The following LRGUK variants were observed in gnomAD, a reference collection of about 807,000 sequenced individuals.
The protein encoded by LRGUK is leucine rich repeats and guanylate kinase domain containing, also known as leucine-rich repeat and guanylate kinase domain-containing protein.
Under a neutral mutation model 76.0 loss-of-function variants are expected in LRGUK, and 65 were observed. That is an observed-to-expected ratio of 0.85 (90% confidence interval 0.70 to 1.05). The LOEUF is 1.05. Ranked by LOEUF, LRGUK falls within the 50% of genes least tolerant of loss-of-function variation. The pLI is 0.00. For synonymous variants in LRGUK, 268 were observed against 265.6 expected (o/e 1.01, Z -0.09); for missense variants, 758 against 732.8 (o/e 1.03, Z -0.40).
the LRGUK span, among the ~76,000 whole-genome samples, chr7:134,270,670 ATGTTTG>A: frequency 6.6e-6 from 1 of 152,194 alleles, no homozygotes; most frequent in East Asian, 1.9e-4. Flanking sequence ...TCTCAACATT[ATGTTTG>A]TAAGATTAAT....
chr7:134,194,579 A>G (rs1395694074), intron 12 of LRGUK, among the ~76,000 whole-genome samples: 1 of 152,076 alleles, frequency 6.6e-6, no homozygotes, highest in Non-Finnish European at 1.5e-5. Flanking sequence ...CTATCTCTTC[A>G]AAAAATAAAG....
chr7:134,273,654 T>C, the LRGUK span, among the ~76,000 whole-genome samples: 3 of 152,168 alleles, frequency 2.0e-5, no homozygotes, highest in Admixed American at 1.3e-4. Flanking sequence ...TGAGTGATCA[T>C]ATTAACATAC....
exon 16 of LRGUK, chr7:134,208,748 C>G (rs1415848980): frequency 2.3e-5 from 9 of 398,928 alleles, no homozygotes; most frequent in Non-Finnish European, 4.0e-5. Context: ...GGTGCCAGCA[C>G]ACCTGGTTCC....
At chr7:134,231,014 G>A (rs1801875238) in intron 16 of LRGUK, among the ~76,000 whole-genome samples, 1 of 152,146 alleles carries the variant, frequency 6.6e-6, no homozygotes, top group African/African-American at 2.4e-5. Context: ...AAGCTGCAGT[G>A]AGTTAGCAAA....
intron 1 of LRGUK, among the ~76,000 whole-genome samples, chr7:134,132,291 G>T (rs949141097): frequency 6.6e-6 from 1 of 152,138 alleles, no homozygotes; most frequent in Non-Finnish European, 1.5e-5. Flanking sequence ...GGAGTTCAAG[G>T]CTGCAGTGAG....
At chr7:134,131,658 C>T (rs998455567) in intron 1 of LRGUK, among the ~76,000 whole-genome samples, 1 of 151,900 alleles carries the variant, frequency 6.6e-6, no homozygotes, top group Non-Finnish European at 1.5e-5. Context: ...CTCTGTTGGC[C>T]AGGTGGTATT....
At chr7:134,178,785 G>A (rs1585501243) in intron 10 of LRGUK, among the ~76,000 whole-genome samples, 176 bp downstream of exon 10, 1 of 151,616 alleles carries the variant, frequency 6.6e-6, no homozygotes, top group East Asian at 1.9e-4. Context: ...CTCCATTATG[G>A]TATATTATTA....
chr7:134,224,591 G>A (rs150673599), intron 16 of LRGUK, among the ~76,000 whole-genome samples: 33 of 152,060 alleles, frequency 2.2e-4, no homozygotes, highest in African/African-American at 8.0e-4. Flanking sequence ...ATAACTAATG[G>A]GTACTAGGCT....
chr7:134,169,448 C>T (rs1271407584), intron 7 of LRGUK, among the ~76,000 whole-genome samples: 1 of 152,118 alleles, frequency 6.6e-6, no homozygotes, highest in East Asian at 1.9e-4. Context: ...CCCTAGAAAA[C>T]TTATATATCA....
chr7:134,192,039 G>T (rs1800275923), intron 12 of LRGUK, among the ~76,000 whole-genome samples: 1 of 152,152 alleles, frequency 6.6e-6, no homozygotes, highest in Admixed American at 6.5e-5. Flanking sequence ...CTTGTGATCT[G>T]TGCTTATCAG....
At chr7:134,133,825 G>A (rs775911417) in intron 1 of LRGUK, among the ~76,000 whole-genome samples, 6 of 152,136 alleles carry the variant, frequency 3.9e-5, no homozygotes, top group East Asian at 1.9e-4. Flanking sequence ...TTTGGGAGGC[G>A]GAAGTGGGCG....
chr7:134,248,950 G>A lies in LRGUK; in HGVS notation c.2073-1G>A. ...TTTTTTTTTTAAATTTCCCATTCCAGGGGTCCAGTACCAGCACCTCTCACC... is the reference window on the plus strand; with the variant it reads ...TTTTTTTTTTAAATTTCCCATTCCAAGGGTCCAGTACCAGCACCTCTCACC... On this transcript the variant is annotated splice_acceptor_variant, in intron 17 of 19. Coordinates refer to the LRGUK transcript ENST00000285928. LOFTEE classifies it high-confidence loss of function. 6.9e-7 allele frequency: 1 copy of A among 1,451,586 alleles called. No individual in the cohort carries two copies. The highest frequency in any genetic ancestry group is 9.1e-7 in the Non-Finnish European group (1 of 1,095,268). The allele number at this position is 1,451,586 out of a possible 1,614,324, so 89.9% of individuals were successfully genotyped here.
At chr7:134,232,749 T>C (rs1801932100) in intron 16 of LRGUK, among the ~76,000 whole-genome samples, 1 of 152,186 alleles carries the variant, frequency 6.6e-6, no homozygotes, top group Admixed American at 6.5e-5. Flanking sequence ...ATACAATTCT[T>C]TCTATAAATG....
At chr7:134,231,184 A>G (rs1801879975) in intron 16 of LRGUK, among the ~76,000 whole-genome samples, 1 of 152,226 alleles carries the variant, frequency 6.6e-6, no homozygotes, top group Non-Finnish European at 1.5e-5. Context: ...GGATCATGGC[A>G]GTAGCCCACA....
exon 20 of LRGUK, chr7:134,264,201 G>A (rs1272506222): frequency 2.6e-6 from 1 of 388,602 alleles, no homozygotes; most frequent in Non-Finnish European, 4.4e-6. Flanking sequence ...TTAAAGATGT[G>A]AGTTTTTTTA....
At chr7:134,154,385 T>C (rs1006092306) in intron 5 of LRGUK, among the ~76,000 whole-genome samples, 16 of 152,002 alleles carry the variant, frequency 1.1e-4, no homozygotes, top group Admixed American at 1.3e-4. Context: ...GAATGAGAGA[T>C]TGGGGAGATA....
intron 1 of LRGUK, among the ~76,000 whole-genome samples, chr7:134,134,039 G>A (rs1438211425): frequency 6.6e-6 from 1 of 151,678 alleles, no homozygotes; most frequent in Non-Finnish European, 1.5e-5. Context: ...TTCAGCCCAG[G>A]TGACAGAGCG....
intron 9 of LRGUK, among the ~76,000 whole-genome samples, chr7:134,177,766 C>A (rs1235033454): frequency 6.6e-6 from 1 of 152,192 alleles, no homozygotes; most frequent in Non-Finnish European, 1.5e-5. Context: ...TTTCTGAAAT[C>A]TTGGTTAAAA....
intron 4 of LRGUK, among the ~76,000 whole-genome samples, chr7:134,146,566 G>C (rs1358147077): frequency 2.6e-5 from 4 of 152,016 alleles, no homozygotes; most frequent in African/African-American, 9.7e-5. Context: ...TTGGTGTTCT[G>C]ATTTTTTTAA....
Sources: allele counts gnomAD v4.1 joint callset (sites outside exome capture counted in the v4.1 genomes callset), GRCh38; gene constraint gnomAD v4.1.1; transcripts MANE v1.5; gene names NCBI Gene and HGNC (gene_info 2026-07-23, HGNC 2026-07-21).